Variants in NNMT observed in about 807,000 individuals in gnomAD.
NNMT encodes the protein nicotinamide N-methyltransferase.
In NNMT, 10 loss-of-function variants were observed where a neutral mutation model predicts 11.7. That is an observed-to-expected ratio of 0.85 (90% CI 0.53 to 1.45). NNMT has a LOEUF of 1.45. Ranked by LOEUF, NNMT falls within the 40% of genes most tolerant of loss-of-function variation. The pLI is 0.00. For synonymous variants in NNMT, 143 were observed against 133.8 expected, an observed-to-expected ratio of 1.07 and a Z score of -0.48; for missense variants, 381 against 319.4, an observed-to-expected ratio of 1.19 and a Z score of -1.47.
At chr11:114,302,771 C>T (rs1243741689) in intron 2 of NNMT, among the ~76,000 whole-genome samples, 1 of 152,084 alleles carries the variant, frequency 6.6e-6, no homozygotes, top group African/African-American at 2.4e-5. Flanking sequence ...AATCCTAACC[C>T]CCTTATGATG....
chr11:114,291,607 CA>C (rs1225967423), upstream of NNMT, among the ~76,000 whole-genome samples: 2 of 152,150 alleles, frequency 1.3e-5, no homozygotes, highest in African/African-American at 4.8e-5. Context: ...TGGCTCAATG[CA>C]CGGCTCATCT....
chr11:114,295,416 A>ATTTT (rs1360786898), upstream of NNMT, among the ~76,000 whole-genome samples: 1 of 116,078 alleles, frequency 8.6e-6, no homozygotes, highest in African/African-American at 3.4e-5. Flanking sequence ...GATTTAAAGA[A>ATTTT]TTCTTTTTTT....
At chr11:114,287,059 G>T (rs571917020) in intron 2 of NNMT, among the ~76,000 whole-genome samples, 1 of 152,136 alleles carries the variant, frequency 6.6e-6, no homozygotes, top group East Asian at 1.9e-4. Flanking sequence ...TCTCAGAAAG[G>T]GTCTGTTCAA....
At chr11:114,267,252 G>A (rs189932048) in intron 2 of NNMT, among the ~76,000 whole-genome samples, 10 of 152,290 alleles carry the variant, frequency 6.6e-5, no homozygotes, top group South Asian at 2.1e-4. Flanking sequence ...GTGACAGAGC[G>A]AGACTCCATC....
chr11:114,301,694 A>C (rs756722774), intron 2 of NNMT, among the ~76,000 whole-genome samples: 2 of 152,050 alleles, frequency 1.3e-5, no homozygotes, highest in African/African-American at 2.4e-5. Flanking sequence ...TGGTGGACAC[A>C]TGTCATTATA....
At chr11:114,282,468 T>C (rs915139036) in intron 2 of NNMT, among the ~76,000 whole-genome samples, 27 of 152,222 alleles carry the variant, frequency 1.8e-4, no homozygotes, top group African/African-American at 5.5e-4. Context: ...AGGAAATGTA[T>C]AGAAGAGGAA....
chr11:114,271,805 G>C (rs1945172221), intron 2 of NNMT, among the ~76,000 whole-genome samples: 1 of 152,132 alleles, frequency 6.6e-6, no homozygotes, highest in African/African-American at 2.4e-5. Flanking sequence ...ACAGCTCCTG[G>C]GGGTTCACAG....
intron 2 of NNMT, among the ~76,000 whole-genome samples, chr11:114,287,978 C>A (rs1196493413): frequency 3.9e-5 from 6 of 152,180 alleles, no homozygotes; most frequent in Non-Finnish European, 7.4e-5. Flanking sequence ...TTCTTAGGTA[C>A]TTCATATTTT....
chr11:114,311,277 C>T (rs778346137), intron 2 of NNMT, among the ~76,000 whole-genome samples: 2 of 152,222 alleles, frequency 1.3e-5, no homozygotes, highest in Non-Finnish European at 2.9e-5. Flanking sequence ...CTGCAGTGAG[C>T]TGTGATGGCG....
chr11:114,302,446 T>C (rs1282258701), intron 2 of NNMT, among the ~76,000 whole-genome samples: 1 of 152,184 alleles, frequency 6.6e-6, no homozygotes, highest in Non-Finnish European at 1.5e-5. Flanking sequence ...AAAAGTGTAA[T>C]TTCCTTAACC....
chr11:114,296,802 T>C, intron 1 of NNMT, 92 bp downstream of exon 1: 1 of 1,252,044 alleles, frequency 8.0e-7, no homozygotes, highest in Non-Finnish European at 1.1e-6. Flanking sequence ...TCGTTGTTGC[T>C]TCACAGCCCT....
intron 1 of NNMT, chr11:114,297,319 G>GT (rs527717437): frequency 1.4e-3 from 200 of 143,688 alleles, no homozygotes; most frequent in Middle Eastern, 3.6e-3. Flanking sequence ...AAAATGAAAA[G>GT]TTTTTTTTTT....
chr11:114,288,547 TA>T (rs1467658773), intron 2 of NNMT, among the ~76,000 whole-genome samples: 1 of 152,146 alleles, frequency 6.6e-6, no homozygotes, highest in African/African-American at 2.4e-5. Context: ...AATCACTTTG[TA>T]TTCCTGGGAA....
At chr11:114,297,384 T>G (rs1211373990) in intron 1 of NNMT, 1 of 152,152 alleles carries the variant, frequency 6.6e-6, no homozygotes, top group Non-Finnish European at 1.5e-5. Flanking sequence ...CTGATGTGCT[T>G]TATTTAAAAT....
Position 114,296,652 on chromosome 11 carries a change from T to A in NNMT, c.96T>A (p.Ser32=), listed in dbSNP as rs774889778. The change falls in exon 1 of 3, where the codon TCT becomes TCA. Residue 32 remains serine (S), a synonymous_variant. Coordinates refer to ENST00000299964, the MANE Select transcript of NNMT (RefSeq NM_006169.3). ...ATTACAAGTTTGGTTCTAGGCACTC[T>A]GCAGAAAGCCAGATTCTTAAGCACC... is the stretch of plus-strand genomic sequence containing the variant. ...EKYYKFGSRH[S]AESQILKHLL... is the part of the protein sequence containing the mutation. The A allele has an allele frequency of 6.2e-7, 1 of 1,614,220 alleles. No homozygotes were observed. The highest frequency in any genetic ancestry group is 2.2e-5 in the East Asian group (1 of 44,890).
At chr11:114,260,994 T>A (rs1450212178) in intron 1 of NNMT, among the ~76,000 whole-genome samples, 1 of 152,162 alleles carries the variant, frequency 6.6e-6, no homozygotes, top group Non-Finnish European at 1.5e-5. Context: ...TCAGGACAAT[T>A]GTGAAGCCAA....
intron 2 of NNMT, among the ~76,000 whole-genome samples, chr11:114,269,737 C>T (rs1945155406): frequency 6.6e-6 from 1 of 152,202 alleles, no homozygotes; most frequent in South Asian, 2.1e-4. Context: ...TCACCTCCAG[C>T]TCACTCCATC....
rs2135288473 is a variant in NNMT, at chr11:114,312,702, T to G, written c.*225T>G. On this transcript the variant is annotated 3_prime_UTR_variant, in exon 3 of 3. Coordinates refer to ENST00000299964, the MANE Select transcript of NNMT (RefSeq NM_006169.3). ...GGACCCAAAGATGAGCAATTAGTAT[T>G]CCAGTCTTCATTGCCTGTGCTTACA... The G allele has an allele frequency of 1.9e-6, 1 of 527,616 alleles. No individual in the cohort carries two copies. The highest frequency in any genetic ancestry group is 3.2e-5 in the Admixed American group (1 of 31,194). 32.7% of individuals were successfully genotyped at this position (527,616 alleles called of 1,614,324 possible).
At chr11:114,272,229 G>A (rs1347126304) in intron 2 of NNMT, among the ~76,000 whole-genome samples, 1 of 152,156 alleles carries the variant, frequency 6.6e-6, no homozygotes, top group Non-Finnish European at 1.5e-5. Context: ...TGAGCCCATA[G>A]CCCGCCTGGA....
Sources: allele counts gnomAD v4.1 joint callset (sites outside exome capture counted in the v4.1 genomes callset), GRCh38; gene constraint gnomAD v4.1.1; transcripts MANE v1.5; gene names NCBI Gene and HGNC (gene_info 2026-07-23, HGNC 2026-07-21).